The following SLC35F3 variants were observed in gnomAD, a reference collection of about 807,000 sequenced individuals.
The protein encoded by SLC35F3 is putative thiamine transporter SLC35F3.
Under a neutral mutation model 49.9 loss-of-function variants are expected in SLC35F3, and 25 were observed. The observed-to-expected ratio is 0.50, with a 90% CI of 0.37 to 0.70. SLC35F3 has a LOEUF of 0.70. Among genes scored for constraint, SLC35F3 ranks in the 30% least tolerant of loss-of-function variants. The pLI is 0.00. For synonymous variants in SLC35F3, 275 were observed against 265.4 expected (o/e 1.04, Z -0.35); for missense variants, 525 against 639.8 (o/e 0.82, Z 1.94).
At position 234,231,691 on chromosome 1, in the gene SLC35F3, G is replaced by A; in HGVS notation, c.558G>A (p.Val186=). 6.2e-7 allele frequency: 1 copy of A among 1,614,018 alleles called. No homozygotes were observed. Among genetic ancestry groups the A allele is most frequent in the Non-Finnish European group, 8.5e-7 (1 of 1,179,906 alleles). ...WNFLFFPLYY[V]GHVCKSTEKQ... is the part of the protein sequence containing the mutation. ...TTTTATTCTTCCCGTTGTACTACGT[G>A]GGGCACGTCTGCAAGTCCACAGAGA... Residue 186 remains valine, a synonymous_variant, in exon 3 of 8, where the codon GTG becomes GTA. Coordinates refer to ENST00000366618, the MANE Select transcript of SLC35F3 (RefSeq NM_173508.4). This position sits in a 1 kb window ranked among gnomAD's most constrained non-coding sequence, Gnocchi z 5.4.
chr1:234,116,703 A>G (rs1665493408), intron 2 of SLC35F3, among the ~76,000 whole-genome samples: 1 of 152,030 alleles, frequency 6.6e-6, no homozygotes, highest in Non-Finnish European at 1.5e-5. Flanking sequence ...TAGTAGAGAC[A>G]GGGTTTTACC....
chr1:234,049,884 G>A (rs1050909114), intron 2 of SLC35F3, among the ~76,000 whole-genome samples: 14 of 152,218 alleles, frequency 9.2e-5, no homozygotes, highest in Admixed American at 7.9e-4. Context: ...AAGAACATAA[G>A]GTGTTTGGTT....
intron 2 of SLC35F3, among the ~76,000 whole-genome samples, chr1:234,183,615 G>T (rs1443262717): frequency 7.0e-6 from 1 of 142,624 alleles, no homozygotes; most frequent in Non-Finnish European, 1.5e-5. Flanking sequence ...TGTGTCGCTG[G>T]CCTGGTCGAC....
At chr1:234,117,300 A>G (rs1665501371) in intron 2 of SLC35F3, among the ~76,000 whole-genome samples, 1 of 152,102 alleles carries the variant, frequency 6.6e-6, no homozygotes, top group Admixed American at 6.5e-5. Context: ...CCCTAATACA[A>G]TATACAAGAG....
intron 2 of SLC35F3, among the ~76,000 whole-genome samples, chr1:233,925,064 A>G (rs1006550401): frequency 4.6e-5 from 7 of 152,122 alleles, no homozygotes; most frequent in African/African-American, 1.2e-4. Flanking sequence ...TATGTGGTCA[A>G]TTTTGGAATA....
chr1:234,288,254 C>T (rs558168279), intron 3 of SLC35F3, among the ~76,000 whole-genome samples: 23 of 152,238 alleles, frequency 1.5e-4, no homozygotes, highest in Admixed American at 3.3e-4. Flanking sequence ...AGACCCTCCC[C>T]GCCGCCACTT....
intron 4 of SLC35F3, among the ~76,000 whole-genome samples, chr1:234,315,499 T>C (rs1657467548): frequency 1.3e-5 from 2 of 152,158 alleles, no homozygotes; most frequent in South Asian, 4.1e-4. Flanking sequence ...GCTGTGTGGG[T>C]TTGGGCAAGT....
At chr1:234,196,507 C>A (rs1666814060) in intron 2 of SLC35F3, among the ~76,000 whole-genome samples, 1 of 152,244 alleles carries the variant, frequency 6.6e-6, no homozygotes, top group African/African-American at 2.4e-5. Context: ...CACTAAGCCC[C>A]AATCTGGGGG....
intron 3 of SLC35F3, among the ~76,000 whole-genome samples, chr1:234,290,176 TAAATG>T (rs995626237): frequency 2.0e-5 from 3 of 151,864 alleles, no homozygotes; most frequent in African/African-American, 7.2e-5. Context: ...ATACAAAAAA[TAAATG>T]AAGAGATATG....
chr1:234,205,602 C>G (rs1039726986), intron 2 of SLC35F3, among the ~76,000 whole-genome samples: 14 of 152,202 alleles, frequency 9.2e-5, no homozygotes, highest in Non-Finnish European at 1.8e-4. Context: ...GGGGCAGAAA[C>G]AGCTAGAAGC....
chr1:234,204,375 G>T (rs1666942329), intron 2 of SLC35F3, among the ~76,000 whole-genome samples: 1 of 151,988 alleles, frequency 6.6e-6, no homozygotes, highest in Non-Finnish European at 1.5e-5. Flanking sequence ...AACAAATTTG[G>T]TCTAGATCAT....
intron 2 of SLC35F3, among the ~76,000 whole-genome samples, chr1:233,964,121 G>A (rs185724172): frequency 2.4e-3 from 359 of 152,264 alleles, no homozygotes; most frequent in African/African-American, 5.9e-3. Flanking sequence ...CTCACTTTAC[G>A]TCTGGCAGGC....
chr1:234,130,669 G>T (rs1341460467), intron 2 of SLC35F3, among the ~76,000 whole-genome samples: 1 of 149,202 alleles, frequency 6.7e-6, no homozygotes, highest in Non-Finnish European at 1.5e-5. Context: ...AGACCTCTCA[G>T]TACCAAGTGT....
At chr1:234,074,150 A>G (rs1337757578) in intron 2 of SLC35F3, among the ~76,000 whole-genome samples, 1 of 152,114 alleles carries the variant, frequency 6.6e-6, no homozygotes. Context: ...CCTACTCTTC[A>G]TAAGTTAAAC....
intron 2 of SLC35F3, among the ~76,000 whole-genome samples, chr1:233,928,854 A>T (rs1195025330): frequency 2.0e-5 from 3 of 152,130 alleles, no homozygotes; most frequent in Non-Finnish European, 1.5e-5. Context: ...CTTCCTGGCA[A>T]CTTACCCTGA....
intron 2 of SLC35F3, among the ~76,000 whole-genome samples, chr1:234,163,092 A>T (rs984885391): frequency 3.3e-5 from 5 of 152,136 alleles, no homozygotes. Context: ...CTCTTTGGGG[A>T]ATTTCTCCCT....
intron 2 of SLC35F3, among the ~76,000 whole-genome samples, chr1:234,023,447 A>G (rs1326110964): frequency 6.6e-6 from 1 of 152,224 alleles, no homozygotes; most frequent in African/African-American, 2.4e-5. Context: ...GTATTTGATT[A>G]TATGTATGAA....
At chr1:234,206,474 C>G (rs1023364768) in intron 2 of SLC35F3, among the ~76,000 whole-genome samples, 1 of 125,668 alleles carries the variant, frequency 8.0e-6, no homozygotes, top group African/African-American at 3.1e-5. Flanking sequence ...GTGGGGGGGA[C>G]TATTTCCAAG....
chr1:234,134,923 G>T (rs773968883), intron 2 of SLC35F3, among the ~76,000 whole-genome samples: 2 of 152,050 alleles, frequency 1.3e-5, no homozygotes, highest in Non-Finnish European at 2.9e-5. Flanking sequence ...GGTTTAGCTT[G>T]TTGGCCAGGC....
Sources: allele counts gnomAD v4.1 joint callset (sites outside exome capture counted in the v4.1 genomes callset), GRCh38; gene constraint gnomAD v4.1.1; non-coding constraint Gnocchi (gnomAD v3.1); transcripts MANE v1.5; gene names NCBI Gene and HGNC (gene_info 2026-07-23, HGNC 2026-07-21).